CALHM5: variants seen among roughly 807,000 people sequenced by gnomAD.
The protein encoded by CALHM5 is calcium homeostasis modulator protein 5.
Under a neutral mutation model 20.9 loss-of-function variants are expected in CALHM5, and 17 were observed. That is an observed-to-expected ratio of 0.82 (90% CI 0.56 to 1.22). CALHM5 has a LOEUF of 1.22. Among genes scored for constraint, CALHM5 ranks in the 50% most tolerant of loss-of-function variants. The pLI, the probability that CALHM5 is intolerant of heterozygous loss-of-function variation, is 0.00. For missense variants in CALHM5, 360 were observed against 364.6 expected (o/e 0.99, Z 0.10); for synonymous variants, 148 against 140.0 (o/e 1.06, Z -0.40).
rs900327878 is a variant in CALHM5, at chr6:116,519,832, T to C, written c.*3843T>C. The C allele has an allele frequency of 2.6e-5, 4 of 152,202 alleles. No homozygotes were observed. Among genetic ancestry groups the C allele is most frequent in the Admixed American group, 6.5e-5 (1 of 15,274 alleles). The allele number at this position is 152,202 out of a possible 1,614,324, so 9.4% of individuals were successfully genotyped here. On this transcript the variant is annotated 3_prime_UTR_variant, in exon 2 of 2. Transcript: ENST00000368599. ...ATCCCATGAATAAATTGTGTACACA[T>C]ATATATATGATTCTTTTGTTTTTCC...
In CALHM5 at chr6:116,511,676, T is replaced by C; in HGVS notation, c.-21T>C. ...CTGCCAATAACAAAGGCACAGCATT[T>C]TCCCTCTGTGCATCTCCAACATGGA... On this transcript the variant is annotated 5_prime_UTR_variant, in exon 1 of 2. Transcript: ENST00000368599. 6.2e-7 allele frequency: 1 copy of C among 1,605,808 alleles called. No individual in the cohort carries two copies. Among genetic ancestry groups the C allele is most frequent in the South Asian group, 1.1e-5 (1 of 90,228 alleles).
At position 116,519,051 on chromosome 6, in the gene CALHM5, G is replaced by C. The variant is rs1772283223; in HGVS notation, c.*3062G>C. On this transcript the variant is annotated 3_prime_UTR_variant, in exon 2 of 2. Coordinates refer to ENST00000368599, the MANE Select transcript of CALHM5 (RefSeq NM_153711.5). ...TGGAGTAAGATAGGGAGAGCAAATT[G>C]GTGTCTGCTCTTGAGTATCTTGAGG... 6.6e-6 allele frequency: 1 copy of C among 152,216 alleles called. No homozygotes were observed. Among genetic ancestry groups the C allele is most frequent in the African/African-American group, 2.4e-5 (1 of 41,442 alleles). 9.4% of individuals were successfully genotyped at this position (152,216 alleles called of 1,614,324 possible).
Position 116,512,217 on chromosome 6 carries a change from C to G in CALHM5, c.521C>G (p.Ser174Cys), listed in dbSNP as rs757396231. 50 of 1,599,430 alleles carry G rather than the reference C, an allele frequency of 3.1e-5. No homozygotes were observed. The highest frequency in any genetic ancestry group is 4.0e-5 in the African/African-American group (3 of 74,820). ...LPTVNEELKLSLQAQSQILGW... is the reference protein window; with the variant it reads ...LPTVNEELKLCLQAQSQILGW... ...ACCGTCAATGAAGAACTGAAACTCT[C>G]CCTTCAGGCCCAGTCTCAGGTAAGA... The change falls in exon 1 of 2, where the codon TCC becomes TGC. Residue 174 changes from serine to cysteine, a missense_variant. Transcript: ENST00000368599.
chr6:116,516,674 T>TAC lies in CALHM5; in HGVS notation c.*686_*687insCA, dbSNP rs1383859916. On this transcript the variant is annotated 3_prime_UTR_variant, in exon 2 of 2. Transcript: ENST00000368599. ...TAGTAGTAACAAATATATATATATA[T>TAC]ATATATATATATATATATATATATA... The TAC allele has an allele frequency of 9.6e-5, 5 of 52,298 alleles. No individual in the cohort carries two copies. The highest frequency in any genetic ancestry group is 1.4e-4 in the Non-Finnish European group (3 of 21,468). The allele number at this position is 52,298 out of a possible 1,614,324, so 3.2% of individuals were successfully genotyped here. A position where few individuals can be genotyped will look rare whatever the true frequency, so the allele number is the denominator to read the frequency against.
Position 116,512,201 on chromosome 6 carries a change from G to T in CALHM5, c.505G>T (p.Glu169Ter). 1 of 1,606,074 alleles carries T rather than the reference G, an allele frequency of 6.2e-7. No individual in the cohort carries two copies. ...AACTAGCATGCTACCTACCGTCAAT[G>T]AAGAACTGAAACTCTCCCTTCAGGC... ...GKTSMLPTVN[E>*]ELKLSLQAQS... The change falls in exon 1 of 2, where the codon GAA becomes TAA. Residue 169 changes from glutamate (E) to a stop codon, truncating the protein, a stop_gained. Coordinates refer to ENST00000368599, the MANE Select transcript of CALHM5 (RefSeq NM_153711.5). LOFTEE classifies it high-confidence loss of function.
At position 116,516,788 on chromosome 6, in the gene CALHM5, A is replaced by G. The variant is rs1368241311; in HGVS notation, c.*799A>G. ...AGCATTTTCTTCAACCTAAAAGTTT[A>G]TGTATTTTCTTCTGATTTTAAAAGA... is the stretch of plus-strand genomic sequence containing the variant. On this transcript the variant is annotated 3_prime_UTR_variant, in exon 2 of 2. Coordinates refer to ENST00000368599, the MANE Select transcript of CALHM5 (RefSeq NM_153711.5). The G allele has an allele frequency of 6.7e-6, 1 of 150,264 alleles. No individual in the cohort carries two copies. Among genetic ancestry groups the G allele is most frequent in the Non-Finnish European group, 1.5e-5 (1 of 67,634 alleles). The allele number at this position is 150,264 out of a possible 1,614,324, so 9.3% of individuals were successfully genotyped here. A position where few individuals can be genotyped will look rare whatever the true frequency, so the allele number is the denominator to read the frequency against.
chr6:116,513,056 T>C (rs1772155207), intron 1 of CALHM5, among the ~76,000 whole-genome samples: 1 of 152,150 alleles, frequency 6.6e-6, no homozygotes, highest in South Asian at 2.1e-4. Flanking sequence ...TAACTTCCCA[T>C]TTATAGGTAG....
rs1772262213 is a variant in CALHM5 at position 116,518,072 on chromosome 6, ATAGT to A, written c.*2084_*2087del. 6.6e-6 allele frequency: 1 copy of A among 152,162 alleles called. No homozygotes were observed. 9.4% of individuals were successfully genotyped at this position (152,162 alleles called of 1,614,324 possible). On this transcript the variant is annotated 3_prime_UTR_variant, in exon 2 of 2. Transcript: ENST00000368599. ...TATATTATTTTATAATAGACTGATGATAGTAAATAAAGCCCTTTCCTGAGTTCTG... is the reference window on the plus strand; with the variant it reads ...TATATTATTTTATAATAGACTGATGAAAATAAAGCCCTTTCCTGAGTTCTG...
Position 116,524,469 on chromosome 6 carries a change from T to G in CALHM5, c.*8480T>G, listed in dbSNP as rs1488418002. 6.6e-6 allele frequency: 1 copy of G among 152,228 alleles called. No homozygotes were observed. Among genetic ancestry groups the G allele is most frequent in the Non-Finnish European group, 1.5e-5 (1 of 68,028 alleles). 9.4% of individuals were successfully genotyped at this position (152,228 alleles called of 1,614,324 possible). ...TTACATATTCAGCCTGTTGGCCTGT[T>G]CTCGAATTGAAGGACAGCTTGTCTG... On this transcript the variant is annotated 3_prime_UTR_variant, in exon 2 of 2. Transcript: ENST00000368599.
chr6:116,514,303 A>G (rs1024610499), intron 1 of CALHM5, among the ~76,000 whole-genome samples: 5 of 152,188 alleles, frequency 3.3e-5, no homozygotes, highest in African/African-American at 1.2e-4. Flanking sequence ...GCTGTGGAAA[A>G]AGAGGAAGAC....
chr6:116,515,825 A>G lies in CALHM5; in HGVS notation c.766A>G (p.Met256Val). 1 of 1,613,982 alleles carries G rather than the reference A, an allele frequency of 6.2e-7. No individual in the cohort carries two copies. Among genetic ancestry groups the G allele is most frequent in the Non-Finnish European group, 8.5e-7 (1 of 1,179,918 alleles). ...AAACAAGAGGCCAGATCCTTTTCCC[A>G]TGCCTACGTTTGCTGCCTGGGAGGC... Reference protein sequence around the residue: ...FENKRPDPFPMPTFAAWEAAS... With the variant: ...FENKRPDPFPVPTFAAWEAAS... Residue 256 changes from methionine (M) to valine (V), a missense_variant, in exon 2 of 2, where the codon ATG becomes GTG. By Grantham distance (21) the Met-to-Val change is conservative (BLOSUM62 1). Transcript: ENST00000368599.
At position 116,522,701 on chromosome 6, in the gene CALHM5, A is replaced by G. The variant is rs1013400189; in HGVS notation, c.*6712A>G. On this transcript the variant is annotated 3_prime_UTR_variant, in exon 2 of 2. Coordinates refer to ENST00000368599, the MANE Select transcript of CALHM5 (RefSeq NM_153711.5). ...TTATTTGTCATTAATATCTACGAAA[A>G]AATAGCAAGTGAGGGTTTCAGACTA... 4.6e-5 allele frequency: 7 copies of G among 152,314 alleles called. No individual in the cohort carries two copies. The highest frequency in any genetic ancestry group is 1.7e-4 in the African/African-American group (7 of 41,574). The allele number at this position is 152,314 out of a possible 1,614,324, so 9.4% of individuals were successfully genotyped here. A position where few individuals can be genotyped will look rare whatever the true frequency, so the allele number is the denominator to read the frequency against.
Position 116,521,155 on chromosome 6 carries a change from A to G in CALHM5, c.*5166A>G, listed in dbSNP as rs1040585776. ...TATATGAAAGGGGATTTCTTGTGGGAATATATATTATATATAACAAAACAT... is the reference window on the plus strand; with the variant it reads ...TATATGAAAGGGGATTTCTTGTGGGGATATATATTATATATAACAAAACAT... On this transcript the variant is annotated 3_prime_UTR_variant, in exon 2 of 2. Transcript: ENST00000368599. 6.6e-6 allele frequency: 1 copy of G among 151,986 alleles called. No individual in the cohort carries two copies. The highest frequency in any genetic ancestry group is 6.6e-5 in the Admixed American group (1 of 15,228). The allele number at this position is 151,986 out of a possible 1,614,324, so 9.4% of individuals were successfully genotyped here. A position where few individuals can be genotyped will look rare whatever the true frequency, so the allele number is the denominator to read the frequency against.
chr6:116,511,778 G>A lies in CALHM5; in HGVS notation c.82G>A (p.Val28Met). The A allele has an allele frequency of 1.9e-6, 3 of 1,614,016 alleles. No individual in the cohort carries two copies. The highest frequency in any genetic ancestry group is 3.3e-4 in the Middle Eastern group (2 of 6,062). The change falls in exon 1 of 2, where the codon GTG becomes ATG. Residue 28 changes from valine (V) to methionine (M), a missense_variant. Coordinates refer to ENST00000368599, the MANE Select transcript of CALHM5 (RefSeq NM_153711.5). The stretch of plus-strand genomic sequence containing the variant: ...CTACAGCTTCATGGCTCTGCTGACC[G>A]TGGGAAGTGAGCGTCTCTTTTCTGT... ...IGYSFMALLT[V>M]GSERLFSVVA...
Position 116,515,899 on chromosome 6 carries a change from C to T in CALHM5, c.840C>T (p.Thr280=), listed in dbSNP as rs768483579. 1.2e-6 allele frequency: 2 copies of T among 1,613,886 alleles called. No individual in the cohort carries two copies. The highest frequency in any genetic ancestry group is 1.1e-5 in the South Asian group (1 of 91,080). ...SFHQSQQHYS[T]LHRVVDNGLQ... Reference sequence around the variant, plus strand: ...ACCAAAGCCAGCAACACTATAGCACCCTCCACAGAGTGGTGGACAATGGTC... The same window carrying T: ...ACCAAAGCCAGCAACACTATAGCACTCTCCACAGAGTGGTGGACAATGGTC... Residue 280 remains threonine, a synonymous_variant, in exon 2 of 2, where the codon ACC becomes ACT. Transcript: ENST00000368599.
At position 116,519,167 on chromosome 6, in the gene CALHM5, C is replaced by G. The variant is rs373047779; in HGVS notation, c.*3178C>G. 6.6e-6 allele frequency: 1 copy of G among 152,150 alleles called. No homozygotes were observed. The allele number at this position is 152,150 out of a possible 1,614,324, so 9.4% of individuals were successfully genotyped here. ...CATTAGTTGTCTTTGGATGTGCTCCCTAGAGGCTGCGCCTGACACAGGGAG... is the reference window on the plus strand; with the variant it reads ...CATTAGTTGTCTTTGGATGTGCTCCGTAGAGGCTGCGCCTGACACAGGGAG... On this transcript the variant is annotated 3_prime_UTR_variant, in exon 2 of 2. Transcript: ENST00000368599.
At position 116,515,543 on chromosome 6, in the gene CALHM5, C is replaced by T. The variant is rs1772204845; in HGVS notation, c.541-57C>T. Reference sequence around the variant, plus strand: ...AGCTATACACTTCTCAATAATACCCCAGCTCCCTAAATGGCTTTGCTTTCA... The same window carrying T: ...AGCTATACACTTCTCAATAATACCCTAGCTCCCTAAATGGCTTTGCTTTCA... On this transcript the variant is annotated intron_variant, in intron 1 of 1. Transcript: ENST00000368599. 4 of 1,519,492 alleles carry T rather than the reference C, an allele frequency of 2.6e-6. No homozygotes were observed. In the Admixed American group the frequency reaches 8.3e-5, roughly 32 times the overall value. The allele number at this position is 1,519,492 out of a possible 1,614,324, so 94.1% of individuals were successfully genotyped here.
chr6:116,512,138 G>C lies in CALHM5; in HGVS notation c.442G>C (p.Glu148Gln), dbSNP rs148045878. 38 of 1,613,854 alleles carry C rather than the reference G, an allele frequency of 2.4e-5. No homozygotes were observed. The African/African-American group carries it at 3.5e-4, about 15-fold the overall frequency. The change falls in exon 1 of 2, where the codon GAG becomes CAG. Residue 148 changes from glutamate (E) to glutamine (Q), a missense_variant. Transcript: ENST00000368599. ...ACTGATTTGCAAGGGTAAGCCCAAA[G>C]AGTGCTGGGAAGAACTTCACAAAGT... is the stretch of plus-strand genomic sequence containing the variant. ...LELICKGKPK[E>Q]CWEELHKVSC...
chr6:116,515,563 C>T (rs767476358), intron 1 of CALHM5, 37 bp from the exon 2 acceptor site: 31 of 1,557,728 alleles, frequency 2.0e-5, no homozygotes, highest in Admixed American at 1.7e-4. Flanking sequence ...AATGGCTTTG[C>T]TTTCACGTGT....
Sources: allele counts gnomAD v4.1 joint callset (sites outside exome capture counted in the v4.1 genomes callset), GRCh38; gene constraint gnomAD v4.1.1; transcripts MANE v1.5; gene names NCBI Gene and HGNC (gene_info 2026-07-23, HGNC 2026-07-21).